The following RORA variants were observed in gnomAD, a reference collection of about 807,000 sequenced individuals.
RORA encodes RAR related orphan receptor A, also known as nuclear receptor ROR-alpha.
Under a neutral mutation model 69.5 loss-of-function variants are expected in RORA, and 7 were observed. That is an observed-to-expected ratio of 0.10 (90% confidence interval 0.06 to 0.19). The LOEUF (loss-of-function observed/expected upper bound fraction) is 0.19, where lower values mean the gene tolerates loss of function less well. Ranked by LOEUF, RORA falls within the 10% of genes least tolerant of loss-of-function variation. The pLI is 1.00. For synonymous variants in RORA, 261 were observed against 240.8 expected (o/e 1.08, Z -0.78); for missense variants, 457 against 663.0 (o/e 0.69, Z 3.41).
intron 1 of RORA, among the ~76,000 whole-genome samples, chr15:61,174,701 G>A (rs1311971857): frequency 6.6e-6 from 1 of 152,170 alleles, no homozygotes; most frequent in African/African-American, 2.4e-5. Flanking sequence ...CCAGGCTCCA[G>A]TGTAAACCTC....
intron 1 of RORA, among the ~76,000 whole-genome samples, chr15:60,834,953 C>T (rs1298791082): frequency 6.6e-6 from 1 of 151,930 alleles, no homozygotes; most frequent in Non-Finnish European, 1.5e-5. Context: ...TAGGAGTCGA[C>T]AAGCTCGGCA....
chr15:60,505,326 T>G (rs1433999960), intron 6 of RORA, among the ~76,000 whole-genome samples, 182 bp downstream of exon 6: 1 of 152,216 alleles, frequency 6.6e-6, no homozygotes, highest in Non-Finnish European at 1.5e-5. Context: ...ATTGCTGAAA[T>G]TTTGCATCTG....
At chr15:60,908,959 C>T (rs708679) in intron 1 of RORA, among the ~76,000 whole-genome samples, 99,346 of 151,710 alleles carry the variant, frequency 0.65, 36,907 homozygotes, top group Non-Finnish European at 0.84. Flanking sequence ...CCCCTCAGAC[C>T]TGGGGATGCA....
At chr15:60,627,666 G>GA in intron 2 of RORA, 1 of 378,320 alleles carries the variant, frequency 2.6e-6, no homozygotes. Context: ...CAAATAGTTT[G>GA]AAAAAATTCC....
intron 2 of RORA, among the ~76,000 whole-genome samples, chr15:60,569,664 C>T (rs2067821561): frequency 6.6e-6 from 1 of 152,132 alleles, no homozygotes; most frequent in Non-Finnish European, 1.5e-5. Flanking sequence ...AAATAGCAGT[C>T]ACTCCCTTAC....
chr15:61,160,200 T>C (rs905399468), intron 1 of RORA, among the ~76,000 whole-genome samples: 4 of 152,214 alleles, frequency 2.6e-5, no homozygotes, highest in Admixed American at 1.3e-4. Flanking sequence ...TGACAGGACC[T>C]ACTTCAAACA....
chr15:60,690,624 T>G (rs1010969849), intron 1 of RORA, among the ~76,000 whole-genome samples: 1 of 152,200 alleles, frequency 6.6e-6, no homozygotes, highest in Non-Finnish European at 1.5e-5. Flanking sequence ...GGTTAGGAAA[T>G]AACTAGTTTA....
At position 61,027,476 on chromosome 15, in the gene RORA, C is replaced by T. The variant is rs1447740030; in HGVS notation, c.166+201577G>A. 4.6e-5 allele frequency among the ~76,000 whole-genome samples: 7 copies of T among 152,256 alleles called. No individual in the cohort carries two copies. In the South Asian group the frequency reaches 1.5e-3, roughly 32 times the overall value. On this transcript the variant is annotated intron_variant, in intron 1 of 10. Coordinates refer to ENST00000335670, the MANE Select transcript of RORA (RefSeq NM_134261.3). ...TTTGTTTATTTTGTGTCATTTGATC[C>T]ATAACTATACTACTGAGATTGACTG...
At chr15:60,499,340 T>G (rs750458392) in intron 10 of RORA, among the ~76,000 whole-genome samples, 1 of 152,140 alleles carries the variant, frequency 6.6e-6, no homozygotes, top group Non-Finnish European at 1.5e-5. Context: ...GAGACCAGCC[T>G]GGGCAACATA....
intron 2 of RORA, among the ~76,000 whole-genome samples, chr15:60,564,362 T>C (rs549604566): frequency 6.6e-6 from 1 of 152,340 alleles, no homozygotes; most frequent in South Asian, 2.1e-4. Context: ...TATAATGCAA[T>C]TGTTACTGAT....
At chr15:61,036,482 G>T (rs888626091) in intron 1 of RORA, among the ~76,000 whole-genome samples, 4 of 152,074 alleles carry the variant, frequency 2.6e-5, no homozygotes, top group Non-Finnish European at 5.9e-5. Context: ...ATTTGGGGTG[G>T]GCGTCCCGTG....
At chr15:60,550,638 T>C (rs917545094) in intron 2 of RORA, among the ~76,000 whole-genome samples, 2 of 152,214 alleles carry the variant, frequency 1.3e-5, no homozygotes, top group Non-Finnish European at 2.9e-5. Context: ...TTTTTGATGT[T>C]GTTTCTTTTC....
At chr15:60,916,351 A>G (rs2140484602) in intron 1 of RORA, among the ~76,000 whole-genome samples, 1 of 152,340 alleles carries the variant, frequency 6.6e-6, no homozygotes, top group East Asian at 1.9e-4. Context: ...AAGGGAAGAG[A>G]CCCTGGTATT....
At chr15:60,747,055 C>T (rs2071658787) in intron 1 of RORA, among the ~76,000 whole-genome samples, 1 of 152,126 alleles carries the variant, frequency 6.6e-6, no homozygotes, top group South Asian at 2.1e-4. Context: ...TTCCTCTTAA[C>T]CCCCAATGTT....
intron 1 of RORA, among the ~76,000 whole-genome samples, chr15:61,047,890 C>T (rs1405630978): frequency 2.6e-5 from 4 of 152,164 alleles, no homozygotes; most frequent in South Asian, 2.1e-4. Flanking sequence ...GCATTTCTTG[C>T]GGACCCATTT....
At chr15:60,583,224 A>T (rs2068241578) in intron 2 of RORA, among the ~76,000 whole-genome samples, 1 of 152,208 alleles carries the variant, frequency 6.6e-6, no homozygotes. Flanking sequence ...CGAAGGCAGC[A>T]TTTGGTCTCC....
At chr15:60,713,292 G>C (rs1015620405) in intron 1 of RORA, among the ~76,000 whole-genome samples, 6 of 152,114 alleles carry the variant, frequency 3.9e-5, no homozygotes, top group African/African-American at 1.4e-4. Flanking sequence ...AGGTCACTTG[G>C]TTTGAGGAAA....
intron 1 of RORA, among the ~76,000 whole-genome samples, chr15:60,697,697 G>A (rs984492515): frequency 2.6e-5 from 4 of 152,066 alleles, no homozygotes; most frequent in South Asian, 2.1e-4. Flanking sequence ...AGTAGAATCC[G>A]TGGTCTAGGG....
intron 1 of RORA, among the ~76,000 whole-genome samples, chr15:60,741,600 T>C (rs2071576351): frequency 6.6e-6 from 1 of 152,190 alleles, no homozygotes. Context: ...CCTGGAAATG[T>C]AGAGGTTTAC....
Sources: allele counts gnomAD v4.1 joint callset (sites outside exome capture counted in the v4.1 genomes callset), GRCh38; gene constraint gnomAD v4.1.1; transcripts MANE v1.5; gene names NCBI Gene and HGNC (gene_info 2026-07-23, HGNC 2026-07-21).